Variants in CCDC66 observed in about 807,000 individuals in gnomAD.
The protein encoded by CCDC66 is coiled-coil domain-containing protein 66.
In CCDC66, 133 loss-of-function variants were observed where a neutral mutation model predicts 128.3. The observed-to-expected ratio is 1.04, with a 90% CI of 0.90 to 1.20. The LOEUF (loss-of-function observed/expected upper bound fraction) is 1.20. Among genes scored for constraint, CCDC66 ranks in the 50% most tolerant of loss-of-function variants. The pLI is 0.00. For missense variants in CCDC66, 1,126 were observed against 1,075.5 expected (o/e 1.05, Z -0.66); for synonymous variants, 387 against 357.0 (o/e 1.08, Z -0.95).
chr3:56,558,791 T>C (rs952499397), intron 1 of CCDC66, 55 bp from the exon 2 acceptor site: 1 of 1,158,784 alleles, frequency 8.6e-7, no homozygotes, highest in Admixed American at 2.0e-5. Context: ...TTTCTGGTTA[T>C]TTAAAATGTT....
intron 17 of CCDC66, chr3:56,620,833 G>A (rs1274955420): frequency 6.6e-6 from 1 of 152,202 alleles, no homozygotes; most frequent in African/African-American, 2.4e-5. Context: ...TAGCATCTAA[G>A]GTAAGGTTAG....
At position 56,617,245 on chromosome 3, in the gene CCDC66, G is replaced by A. The variant is rs1386124506; in HGVS notation, c.1977G>A (p.Lys659=). The part of the protein sequence containing the change: ...LIGQFSTKKN[K]QELTQDKGAS... ...GACAGTTTAGCACCAAGAAAAACAAGCAAGAACTAACTCAGGATAAAGGAG... is the reference window on the plus strand; with the variant it reads ...GACAGTTTAGCACCAAGAAAAACAAACAAGAACTAACTCAGGATAAAGGAG... The change falls in exon 14 of 18, where the codon AAG becomes AAA. Residue 659 remains lysine, a synonymous_variant. Transcript: ENST00000394672. 3.1e-6 allele frequency: 5 copies of A among 1,613,846 alleles called. No homozygotes were observed. The highest frequency in any genetic ancestry group is 2.2e-5 in the South Asian group (2 of 91,058).
At chr3:56,558,936 A>G (rs1206843844) in intron 2 of CCDC66, 26 bp downstream of exon 2, 1 of 1,468,206 alleles carries the variant, frequency 6.8e-7, no homozygotes, top group Non-Finnish European at 9.2e-7. Flanking sequence ...GAAATCTGAA[A>G]TGTTAACTTT....
chr3:56,579,086 G>A (rs2067883650), intron 7 of CCDC66, among the ~76,000 whole-genome samples: 1 of 151,750 alleles, frequency 6.6e-6, no homozygotes, highest in Non-Finnish European at 1.5e-5. Flanking sequence ...CTCAATTTCA[G>A]AACCTGTTAT....
chr3:56,621,473 C>A (rs1027349422), intron 17 of CCDC66, 59 bp from the exon 18 acceptor site: 21 of 1,103,348 alleles, frequency 1.9e-5, no homozygotes, highest in Non-Finnish European at 2.5e-5. Context: ...TAGTTTAACA[C>A]AACATTGCAA....
chr3:56,585,044 A>G (rs1287739660), intron 7 of CCDC66, among the ~76,000 whole-genome samples: 2 of 150,530 alleles, frequency 1.3e-5, no homozygotes, highest in Non-Finnish European at 3.0e-5. Flanking sequence ...TGGCAGCAGT[A>G]CAGTCCAGCT....
At chr3:56,593,897 A>G (rs544382215) in intron 9 of CCDC66, 47 bp from the exon 10 acceptor site, 5 of 1,599,702 alleles carry the variant, frequency 3.1e-6, no homozygotes, top group African/African-American at 2.7e-5. Flanking sequence ...AGCTTGTTGA[A>G]TCTACCTTTT....
chr3:56,564,222 C>T (rs1017519098), intron 4 of CCDC66, 97 bp downstream of exon 4: 27 of 864,356 alleles, frequency 3.1e-5, no homozygotes, highest in Non-Finnish European at 4.2e-5. Context: ...GACTCTTAAA[C>T]TCTAATTTAA....
intron 6 of CCDC66, 119 bp downstream of exon 6, chr3:56,567,172 A>G: frequency 1.5e-6 from 1 of 652,656 alleles, no homozygotes; most frequent in Non-Finnish European, 2.7e-6. Flanking sequence ...TGGGTGGATC[A>G]GGAGGGCAAG....
intron 7 of CCDC66, chr3:56,572,305 T>C (rs1298236142): frequency 8.2e-7 from 1 of 1,223,884 alleles, no homozygotes; most frequent in Non-Finnish European, 1.1e-6. Flanking sequence ...ACAGTGTCAC[T>C]GTTTTTCTAT....
At chr3:56,580,854 T>C (rs1268576352) in intron 7 of CCDC66, among the ~76,000 whole-genome samples, 1 of 151,764 alleles carries the variant, frequency 6.6e-6, no homozygotes, top group Non-Finnish European at 1.5e-5. Context: ...TTTTTCCTTC[T>C]TTCAACTTTG....
intron 7 of CCDC66, among the ~76,000 whole-genome samples, chr3:56,577,518 GT>G (rs1445398939): frequency 6.6e-6 from 1 of 151,772 alleles, no homozygotes; most frequent in Non-Finnish European, 1.5e-5. Context: ...TATTGCCTAG[GT>G]TTACTTCTAG....
rs555551937 is a variant in CCDC66 at position 56,595,632 on chromosome 3, TTATC to T, written c.1404+1608_1404+1611del. On this transcript the variant is annotated intron_variant, in intron 10 of 17. Transcript: ENST00000394672. Reference sequence around the variant, plus strand: ...CCATTGTGTATATACCACATTTTGTTTATCTATTTGTTCATCAATGGACACTCAG... The same window carrying T: ...CCATTGTGTATATACCACATTTTGTTTATTTGTTCATCAATGGACACTCAG... 1.5e-3 allele frequency among the ~76,000 whole-genome samples: 234 copies of T among 152,358 alleles called. 1 individual carries two copies. The highest frequency in any genetic ancestry group is 5.4e-3 in the African/African-American group (226 of 41,578).
At position 56,586,693 on chromosome 3, in the gene CCDC66, A is replaced by G. The variant is rs187175416; in HGVS notation, c.937-6277A>G. ...AAATCCTTTGTTAAAAAGCAGAGATATGAAAACTCCAAAGACTTGATGCTT... is the reference window on the plus strand; with the variant it reads ...AAATCCTTTGTTAAAAAGCAGAGATGTGAAAACTCCAAAGACTTGATGCTT... On this transcript the variant is annotated intron_variant, in intron 7 of 17. Transcript: ENST00000394672. Among the ~76,000 whole-genome samples, 10 of 152,024 alleles carry G rather than the reference A, an allele frequency of 6.6e-5. No individual in the cohort carries two copies. The East Asian group carries it at 1.8e-3, about 27-fold the overall frequency.
At chr3:56,567,817 G>A (rs2066076726) in intron 6 of CCDC66, among the ~76,000 whole-genome samples, 1 of 152,076 alleles carries the variant, frequency 6.6e-6, no homozygotes, top group Non-Finnish European at 1.5e-5. Flanking sequence ...AGCCTCCCCA[G>A]TAGCTGGGAC....
intron 7 of CCDC66, among the ~76,000 whole-genome samples, chr3:56,591,934 A>C (rs2070980976): frequency 6.6e-6 from 1 of 152,232 alleles, no homozygotes; most frequent in Admixed American, 6.5e-5. Context: ...ATTTCATGTA[A>C]TGAAATGTTT....
At position 56,564,046 on chromosome 3, in the gene CCDC66, C is replaced by G. The variant is rs1229663491; in HGVS notation, c.465C>G (p.Asp155Glu). 2 of 1,613,934 alleles carry G rather than the reference C, an allele frequency of 1.2e-6. No individual in the cohort carries two copies. The highest frequency in any genetic ancestry group is 2.2e-5 in the South Asian group (2 of 91,070). Residue 155 changes from aspartate to glutamate, a missense_variant, in exon 4 of 18, where the codon GAC (aspartate) becomes GAG (glutamate). Physicochemically the swap from Asp to Glu is conservative, Grantham distance 45 (BLOSUM62 2). Transcript: ENST00000394672. The stretch of plus-strand genomic sequence containing the variant: ...GCAGTTTGGTGTGTCTAACACAAGA[C>G]CAACTACAACAGATTTTGATGACTG... Reference protein sequence around the residue: ...MKSSLVCLTQDQLQQILMTVN... With the variant: ...MKSSLVCLTQEQLQQILMTVN...
chr3:56,559,482 T>G (rs1418433546), intron 2 of CCDC66, 87 bp from the exon 3 acceptor site: 2 of 859,076 alleles, frequency 2.3e-6, no homozygotes, highest in Non-Finnish European at 3.6e-6. Context: ...CTTAAAATCT[T>G]ATAACAATAT....
intron 10 of CCDC66, among the ~76,000 whole-genome samples, chr3:56,605,557 A>T (rs2073945202): frequency 6.6e-6 from 1 of 151,964 alleles, no homozygotes; most frequent in African/African-American, 2.4e-5. Flanking sequence ...AGTTTGCTGG[A>T]GGTCCATTCC....
Sources: allele counts gnomAD v4.1 joint callset (sites outside exome capture counted in the v4.1 genomes callset), GRCh38; gene constraint gnomAD v4.1.1; transcripts MANE v1.5; gene names NCBI Gene and HGNC (gene_info 2026-07-23, HGNC 2026-07-21).